Variants in CORO7 observed in about 807,000 individuals in gnomAD.
CORO7 encodes coronin 7.
In CORO7, 107 loss-of-function variants were observed where a neutral mutation model predicts 126.6. The ratio of observed to expected loss-of-function variants is 0.85; its 90% CI spans 0.72 to 0.99. The LOEUF (loss-of-function observed/expected upper bound fraction) is 0.99, where lower values mean the gene tolerates loss of function less well. CORO7 is among the 50% of genes least tolerant of loss of function. The pLI is 0.00. For synonymous variants in CORO7, 603 were observed against 536.8 expected (o/e 1.12, Z -1.70); for missense variants, 1,314 against 1,255.8 (o/e 1.05, Z -0.70).
intron 26 of CORO7, among the ~76,000 whole-genome samples, chr16:4,356,228 C>T (rs1054845522): frequency 1.3e-5 from 2 of 152,124 alleles, no homozygotes; most frequent in Non-Finnish European, 2.9e-5. Context: ...GCTGGGATTA[C>T]AGGCGTGAGC....
At chr16:4,372,120 CACACGGTCACCTGG>C (rs2054556046) in intron 9 of CORO7, 1 of 151,632 alleles carries the variant, frequency 6.6e-6, no homozygotes, top group African/African-American at 2.4e-5. Flanking sequence ...GCCCCAGCCC[CACACGGTCACCTGG>C]GCCGCCCGGC....
chr16:4,406,930 C>T (rs573902112), intron 5 of CORO7, among the ~76,000 whole-genome samples: 4 of 152,130 alleles, frequency 2.6e-5, no homozygotes, highest in South Asian at 2.1e-4. Flanking sequence ...TGAGCCACCG[C>T]GCCCGGCCAA....
chr16:4,357,960 C>T lies in CORO7; in HGVS notation c.2593+8G>A, dbSNP rs766454949. On this transcript the variant is annotated splice_region_variant and intron_variant, in intron 25 of 27. Transcript: ENST00000251166. The stretch of plus-strand genomic sequence containing the variant: ...CGCTTCCTCCCCACACCCAGTCCCT[C>T]GGTGCACCTGGGCTCATGTCAGGAG... 141 of 1,592,930 alleles carry T rather than the reference C, an allele frequency of 8.9e-5. No homozygotes were observed. Among genetic ancestry groups the T allele is most frequent in the Non-Finnish European group, 9.7e-5 (113 of 1,163,476 alleles).
chr16:4,404,638 C>A (rs1596334487), intron 6 of CORO7, among the ~76,000 whole-genome samples: 3 of 152,254 alleles, frequency 2.0e-5, no homozygotes, highest in Admixed American at 2.0e-4. Flanking sequence ...CCTCTAGCGC[C>A]CCCTCTCTGC....
intron 5 of CORO7, 32 bp downstream of exon 5, chr16:4,407,469 C>T: frequency 6.4e-7 from 1 of 1,554,322 alleles, no homozygotes; most frequent in Non-Finnish European, 8.7e-7. Flanking sequence ...AGTGGGGCTG[C>T]CCTGGGAAGG....
rs1256202820 is a variant in CORO7 at position 4,359,235 on chromosome 16, C to T, written c.2340+61G>A. ...CAGGCTCCTGTACTTGCCCACATGG[C>T]CACCAGGGGGCAGGGCAGCCTTGTG... is the stretch of plus-strand genomic sequence containing the variant. On this transcript the variant is annotated intron_variant, in intron 23 of 27. Transcript: ENST00000251166. 2.0e-6 allele frequency: 3 copies of T among 1,504,742 alleles called. No individual in the cohort carries two copies. In the East Asian group the frequency reaches 7.0e-5, roughly 35 times the overall value. The allele number at this position is 1,504,742 out of a possible 1,614,324, so 93.2% of individuals were successfully genotyped here.
intron 9 of CORO7, chr16:4,382,029 G>T: frequency 6.3e-7 from 1 of 1,596,840 alleles, no homozygotes; most frequent in African/African-American, 1.3e-5. Context: ...GCCCCACAGA[G>T]CCGGCCACTG....
At chr16:4,407,099 C>T (rs9930523) in intron 5 of CORO7, among the ~76,000 whole-genome samples, 5,247 of 151,996 alleles carry the variant, frequency 0.035, 309 homozygotes, top group African/African-American at 0.12. Context: ...AGGTGTGTGC[C>T]ACCACGCCCG....
At chr16:4,373,732 G>A (rs578159934) in intron 9 of CORO7, among the ~76,000 whole-genome samples, 1 of 152,236 alleles carries the variant, frequency 6.6e-6, no homozygotes, top group South Asian at 2.1e-4. Context: ...GCTTATAAGT[G>A]GGTCCCAACA....
chr16:4,394,893 A>T (rs1041457078), intron 7 of CORO7, among the ~76,000 whole-genome samples: 5 of 152,188 alleles, frequency 3.3e-5, no homozygotes, highest in African/African-American at 9.6e-5. Flanking sequence ...GTACGTTTTG[A>T]CAGGTCCCAC....
intron 26 of CORO7, 24 bp from the exon 27 acceptor site, chr16:4,355,396 G>A (rs1216190126): frequency 6.2e-7 from 1 of 1,600,270 alleles, no homozygotes. Context: ...CAGAAGAAGG[G>A]TAGGTAAGGG....
At chr16:4,378,624 C>G (rs1054595270) in intron 9 of CORO7, among the ~76,000 whole-genome samples, 1 of 152,076 alleles carries the variant, frequency 6.6e-6, no homozygotes, top group Admixed American at 6.5e-5. Context: ...CACGAGCCCC[C>G]CTGGGGTGGG....
chr16:4,415,631 G>A lies in CORO7; in HGVS notation c.60+828C>T, dbSNP rs1267442197. The A allele has an allele frequency of 3.7e-6, 3 of 821,190 alleles. No individual in the cohort carries two copies. The East Asian group carries it at 3.7e-4, about 102-fold the overall frequency. The allele number at this position is 821,190 out of a possible 1,614,324, so 50.9% of individuals were successfully genotyped here. ...CAAAAACGGAACCTCTACCCAGACT[G>A]CCCTGACTTGCTCTGGGACCCTGAT... On this transcript the variant is annotated intron_variant, in intron 1 of 27. Coordinates refer to ENST00000251166, the MANE Select transcript of CORO7 (RefSeq NM_024535.5).
At chr16:4,358,624 T>A in intron 23 of CORO7, 141 bp from the exon 24 acceptor site, 1 of 660,706 alleles carries the variant, frequency 1.5e-6, no homozygotes, top group Non-Finnish European at 2.4e-6. Flanking sequence ...GTTGATCATG[T>A]TGAACAACCT....
rs748921727 is a variant in CORO7 at position 4,357,235 on chromosome 16, G to A, written c.2618C>T (p.Pro873Leu). Residue 873 changes from proline to leucine, a missense_variant, in exon 26 of 28, where the codon CCT becomes CTT. Coordinates refer to ENST00000251166, the MANE Select transcript of CORO7 (RefSeq NM_024535.5). ...SPVSQAPREAPARRAPSSAQY... is the reference protein window; with the variant it reads ...SPVSQAPREALARRAPSSAQY... The stretch of plus-strand genomic sequence containing the variant: ...CGCTGAGGATGGGGCCCGACGAGCA[G>A]GGGCCTCTCGGGGGGCTTGGCTCAC... The A allele has an allele frequency of 6.2e-7, 1 of 1,613,626 alleles. No individual in the cohort carries two copies. Among genetic ancestry groups the A allele is most frequent in the Non-Finnish European group, 8.5e-7 (1 of 1,179,904 alleles).
chr16:4,357,342 CTTTTCTTTCTTTCT>C lies in CORO7; in HGVS notation c.2594-97_2594-84del, dbSNP rs2054007854. 7.6e-5 allele frequency: 74 copies of C among 967,840 alleles called. No individual in the cohort carries two copies. In the South Asian group the frequency reaches 1.3e-3, roughly 17 times the overall value. 60.0% of individuals were successfully genotyped at this position (967,840 alleles called of 1,614,324 possible). A position where few individuals can be genotyped will look rare whatever the true frequency, so the allele number is the denominator to read the frequency against. ...CAAGCCCTCGGGGATTTCTTTCTTTCTTTTCTTTCTTTCTTTTTTTTTTTTTTTTTTTGAGATGG... is the reference window on the plus strand; with the variant it reads ...CAAGCCCTCGGGGATTTCTTTCTTTCTTTTTTTTTTTTTTTTTTGAGATGG... On this transcript the variant is annotated intron_variant, in intron 25 of 27. Transcript: ENST00000251166.
chr16:4,405,634 C>G, intron 5 of CORO7, 67 bp from the exon 6 acceptor site: 2 of 1,564,552 alleles, frequency 1.3e-6, no homozygotes, highest in Non-Finnish European at 1.7e-6. Context: ...TGGGGGCGGG[C>G]CTTGCTGGGG....
intron 9 of CORO7, chr16:4,381,255 C>G (rs563318292): frequency 9.3e-6 from 15 of 1,611,454 alleles, no homozygotes; most frequent in Non-Finnish European, 1.1e-5. Context: ...TGCGGCGCCT[C>G]GAGCGCCTCT....
intron 26 of CORO7, among the ~76,000 whole-genome samples, chr16:4,355,990 G>C (rs2053965885): frequency 6.6e-6 from 1 of 151,762 alleles, no homozygotes; most frequent in Non-Finnish European, 1.5e-5. Context: ...TTTTGTTCTT[G>C]TTGCCTAGGC....
Sources: allele counts gnomAD v4.1 joint callset (sites outside exome capture counted in the v4.1 genomes callset), GRCh38; gene constraint gnomAD v4.1.1; transcripts MANE v1.5; gene names NCBI Gene and HGNC (gene_info 2026-07-23, HGNC 2026-07-21).